OSBPL6: variants seen among roughly 807,000 people sequenced by gnomAD.
OSBPL6 encodes the protein oxysterol binding protein like 6.
Under a neutral mutation model 125.8 loss-of-function variants are expected in OSBPL6, and 49 were observed. The observed-to-expected ratio is 0.39, with a 90% CI of 0.31 to 0.49. The LOEUF (loss-of-function observed/expected upper bound fraction) is 0.49. Ranked by LOEUF, OSBPL6 falls within the 20% of genes least tolerant of loss-of-function variation. The pLI, the probability that OSBPL6 is intolerant of heterozygous loss-of-function variation, is 0.88. For missense variants in OSBPL6, 986 were observed against 1,135.4 expected, an observed-to-expected ratio of 0.87 and a Z score of 1.89; for synonymous variants, 394 against 391.8, an observed-to-expected ratio of 1.01 and a Z score of -0.07.
At chr2:178,288,908 C>T (rs1212007403) in intron 2 of OSBPL6, among the ~76,000 whole-genome samples, 2 of 151,876 alleles carry the variant, frequency 1.3e-5, no homozygotes, top group South Asian at 2.1e-4. Flanking sequence ...CCTTGGCCTC[C>T]TGAAGTGCTG....
intron 3 of OSBPL6, among the ~76,000 whole-genome samples, chr2:178,314,793 A>G (rs1687591933): frequency 6.6e-6 from 1 of 152,128 alleles, no homozygotes; most frequent in Non-Finnish European, 1.5e-5. Context: ...CCAACAGCTA[A>G]TGAGCAGTGG....
intron 11 of OSBPL6, among the ~76,000 whole-genome samples, chr2:178,344,631 A>C (rs548902548): frequency 6.6e-6 from 1 of 151,978 alleles, no homozygotes; most frequent in Non-Finnish European, 1.5e-5. Context: ...AATTGAGTAC[A>C]GTGCCCCATG....
chr2:178,305,857 T>G (rs1350397841), intron 2 of OSBPL6, among the ~76,000 whole-genome samples, 173 bp from the exon 3 acceptor site: 2 of 152,058 alleles, frequency 1.3e-5, no homozygotes, highest in Non-Finnish European at 2.9e-5. Context: ...TTTTTTTTTT[T>G]TTTTTTACAC....
rs193266448 is a variant in OSBPL6, at chr2:178,266,584, C to T, written c.-350-18343C>T. Among the ~76,000 whole-genome samples, 15 of 152,226 alleles carry T rather than the reference C, an allele frequency of 9.9e-5. No homozygotes were observed. The East Asian group carries it at 1.9e-3, about 20-fold the overall frequency. On this transcript the variant is annotated intron_variant, in intron 1 of 24. Coordinates refer to ENST00000190611, the MANE Select transcript of OSBPL6 (RefSeq NM_032523.4). ...AGGGAGCAGATGGTACTCAGTTGCT[C>T]GGATCCTGCAGGTCAGCAGGAACAT...
intron 12 of OSBPL6, among the ~76,000 whole-genome samples, chr2:178,351,941 C>T (rs944941227): frequency 1.3e-5 from 2 of 152,174 alleles, no homozygotes; most frequent in Admixed American, 6.5e-5. Context: ...ACCTCCATGA[C>T]ACATGTTTGC....
intron 1 of OSBPL6, among the ~76,000 whole-genome samples, chr2:178,238,909 T>C (rs1559149006): frequency 6.6e-6 from 1 of 152,148 alleles, no homozygotes; most frequent in Non-Finnish European, 1.5e-5. Context: ...TCTTATCCCC[T>C]CTCCCGCCTG....
intron 2 of OSBPL6, among the ~76,000 whole-genome samples, chr2:178,301,600 A>G (rs1220173532): frequency 6.6e-6 from 1 of 152,206 alleles, no homozygotes; most frequent in Non-Finnish European, 1.5e-5. Context: ...ATCTTTTCCT[A>G]TAGTTTATAT....
intron 1 of OSBPL6, among the ~76,000 whole-genome samples, chr2:178,264,629 TC>T (rs1354655949): frequency 6.6e-6 from 1 of 152,226 alleles, no homozygotes; most frequent in Non-Finnish European, 1.5e-5. Context: ...AGGCAATACT[TC>T]CTCTGTGTGT....
intron 24 of OSBPL6, among the ~76,000 whole-genome samples, chr2:178,395,075 T>A (rs779022442): frequency 3.3e-5 from 5 of 152,156 alleles, no homozygotes; most frequent in Non-Finnish European, 5.9e-5. Flanking sequence ...CAGTAGGGGC[T>A]CTTAGAGCTA....
chr2:178,334,133 G>A (rs189552982), intron 8 of OSBPL6, among the ~76,000 whole-genome samples: 99 of 152,268 alleles, frequency 6.5e-4, no homozygotes, highest in African/African-American at 2.3e-3. Flanking sequence ...CAACAGACAG[G>A]GAAACAGCTG....
chr2:178,232,756 G>T (rs334042), intron 1 of OSBPL6, among the ~76,000 whole-genome samples: 50,157 of 151,186 alleles, frequency 0.33, 8,814 homozygotes, highest in African/African-American at 0.44. Flanking sequence ...TTTCTACTCA[G>T]CCCAGTACTT....
At chr2:178,390,525 T>C (rs1406007630) in intron 21 of OSBPL6, among the ~76,000 whole-genome samples, 2 of 152,154 alleles carry the variant, frequency 1.3e-5, no homozygotes, top group African/African-American at 4.8e-5. Flanking sequence ...TGGAATAACC[T>C]TGGAGCTACT....
At chr2:178,393,408 A>G (rs147820643) in intron 23 of OSBPL6, among the ~76,000 whole-genome samples, 124 of 152,298 alleles carry the variant, frequency 8.1e-4, no homozygotes, top group African/African-American at 2.9e-3. Flanking sequence ...GTCCATTCCT[A>G]TGGAATTCAT....
chr2:178,342,798 A>G (rs770425964), intron 11 of OSBPL6, among the ~76,000 whole-genome samples: 2 of 152,198 alleles, frequency 1.3e-5, no homozygotes, highest in Non-Finnish European at 2.9e-5. Context: ...ATTAAATACT[A>G]GATCCCTGGA....
intron 17 of OSBPL6, 23 bp from the exon 18 acceptor site, chr2:178,384,016 C>T (rs529950390): frequency 6.2e-7 from 1 of 1,611,016 alleles, no homozygotes; most frequent in Non-Finnish European, 8.5e-7. Flanking sequence ...TATATTATTC[C>T]CTTTTCTTCA....
chr2:178,224,151 A>G (rs901536178), intron 1 of OSBPL6, among the ~76,000 whole-genome samples: 2 of 152,132 alleles, frequency 1.3e-5, no homozygotes, highest in Non-Finnish European at 2.9e-5. Flanking sequence ...CTCACAATGA[A>G]CCCGGGAAGG....
At chr2:178,249,803 A>G (rs1310058663) in intron 1 of OSBPL6, among the ~76,000 whole-genome samples, 1 of 148,422 alleles carries the variant, frequency 6.7e-6, no homozygotes. Context: ...TCCAGTTGCT[A>G]TTATAAAATC....
intron 21 of OSBPL6, among the ~76,000 whole-genome samples, chr2:178,390,278 T>G (rs920654004): frequency 6.6e-6 from 1 of 152,228 alleles, no homozygotes; most frequent in Non-Finnish European, 1.5e-5. Context: ...ACCCTGGCAA[T>G]GTAGGACAGC....
At chr2:178,380,309 G>A (rs1235712960) in intron 15 of OSBPL6, among the ~76,000 whole-genome samples, 1 of 151,652 alleles carries the variant, frequency 6.6e-6, no homozygotes, top group African/African-American at 2.4e-5. Flanking sequence ...TAATTGGCAA[G>A]GCATGGGAGT....
Sources: allele counts gnomAD v4.1 joint callset (sites outside exome capture counted in the v4.1 genomes callset), GRCh38; gene constraint gnomAD v4.1.1; transcripts MANE v1.5; gene names NCBI Gene and HGNC (gene_info 2026-07-23, HGNC 2026-07-21).